Variants in ISM1 observed in about 807,000 individuals in gnomAD.
ISM1 encodes the protein isthmin 1, also known as isthmin-1.
Under a neutral mutation model 46.3 loss-of-function variants are expected in ISM1, and 25 were observed. The observed-to-expected ratio is 0.54, with a 90% CI of 0.39 to 0.75. ISM1 has a LOEUF of 0.75. Ranked by LOEUF, ISM1 falls within the 30% of genes least tolerant of loss-of-function variation. The pLI is 0.00. For missense variants in ISM1, 536 were observed against 625.4 expected (o/e 0.86, Z 1.52); for synonymous variants, 255 against 256.7 (o/e 0.99, Z 0.06).
At position 13,299,418 on chromosome 20, in the gene ISM1, G is replaced by A. The variant is rs1211055263; in HGVS notation, c.1354G>A (p.Glu452Lys). The A allele has an allele frequency of 2.5e-6, 4 of 1,610,366 alleles. No individual in the cohort carries two copies. Among genetic ancestry groups the A allele is most frequent in the African/African-American group, 1.3e-5 (1 of 75,066 alleles). ...GAAGTGCACAGAGAGCCCCTCGGAC[G>A]AGGACTACATCAAGCAGTTCCAAGA... ...GQKCTESPSD[E>K]DYIKQFQEAR... Residue 452 changes from glutamate to lysine, a missense_variant, in exon 6 of 6, where the codon GAG becomes AAG. Around this residue, in one of 2 missense-constraint regions of ISM1, gnomAD observed 169 missense variants for 249.3 expected, o/e 0.68. Transcript: ENST00000262487. The surrounding 1 kb of genome is among the most constrained non-coding windows in gnomAD (Gnocchi z 5.8).
chr20:13,307,037 A>C, the ISM1 span, among the ~76,000 whole-genome samples: 1 of 152,166 alleles, frequency 6.6e-6, no homozygotes, highest in East Asian at 1.9e-4. Flanking sequence ...GGAGAGAGAA[A>C]GAACAAAAGC....
chr20:13,223,715 A>G (rs1319652031), intron 1 of ISM1, among the ~76,000 whole-genome samples: 2 of 152,198 alleles, frequency 1.3e-5, no homozygotes, highest in Non-Finnish European at 2.9e-5. Context: ...GGGAATTTCT[A>G]TGCGGAAGTT....
chr20:13,252,522 A>C (rs1204651628), intron 1 of ISM1, among the ~76,000 whole-genome samples: 2 of 152,120 alleles, frequency 1.3e-5, no homozygotes, highest in Admixed American at 6.6e-5. Flanking sequence ...AGGCCAAGGC[A>C]GGCGGATCAT....
At chr20:13,230,416 C>CA (rs1284815669) in intron 1 of ISM1, among the ~76,000 whole-genome samples, 3 of 152,114 alleles carry the variant, frequency 2.0e-5, no homozygotes, top group African/African-American at 7.2e-5. Flanking sequence ...TCCATTATCT[C>CA]AGTTTCTTTA....
At chr20:13,236,442 T>C (rs181183681) in intron 1 of ISM1, among the ~76,000 whole-genome samples, 65 of 152,158 alleles carry the variant, frequency 4.3e-4, no homozygotes, top group African/African-American at 1.4e-3. Context: ...TGAGATTTGA[T>C]TGGGGACACA....
rs545290042 is a variant in ISM1, at chr20:13,289,582, C to T, written c.787+899C>T. On this transcript the variant is annotated intron_variant, in intron 4 of 5. Coordinates refer to ENST00000262487, the MANE Select transcript of ISM1 (RefSeq NM_080826.2). ...GAGACCTGTTTTTGTGTGTCCCATA[C>T]ATTTTTAAACTGTTGTGAAGAGAAG... Among the ~76,000 whole-genome samples the T allele has an allele frequency of 5.3e-5, 8 of 151,314 alleles. No homozygotes were observed. In the South Asian group the frequency reaches 1.7e-3, roughly 32 times the overall value.
chr20:13,313,750 G>T, the ISM1 span, among the ~76,000 whole-genome samples: 1 of 152,094 alleles, frequency 6.6e-6, no homozygotes, highest in African/African-American at 2.4e-5. Context: ...CATAGTAAAA[G>T]GCAAAAACTA....
intron 3 of ISM1, among the ~76,000 whole-genome samples, chr20:13,280,222 T>A (rs751934598): frequency 1.3e-5 from 2 of 151,612 alleles, no homozygotes; most frequent in Non-Finnish European, 2.9e-5. Context: ...AATTCTCCAA[T>A]TAACTTCCTT....
At chr20:13,237,022 G>C (rs1368631883) in intron 1 of ISM1, among the ~76,000 whole-genome samples, 1 of 152,194 alleles carries the variant, frequency 6.6e-6, no homozygotes, top group African/African-American at 2.4e-5. Flanking sequence ...AGCTCCACTA[G>C]GCAGTGCCCA....
chr20:13,284,661 C>T (rs1346832245), intron 3 of ISM1, among the ~76,000 whole-genome samples: 1 of 152,114 alleles, frequency 6.6e-6, no homozygotes, highest in Admixed American at 6.6e-5. Flanking sequence ...GGGTCTTTGC[C>T]GGGACATTGA....
intron 5 of ISM1, among the ~76,000 whole-genome samples, chr20:13,296,610 G>A (rs1014673658): frequency 3.3e-5 from 5 of 152,190 alleles, no homozygotes; most frequent in African/African-American, 1.2e-4. Flanking sequence ...CTACCCTGAA[G>A]CCAGTCTCTT....
At chr20:13,287,567 T>C (rs1383849002) in intron 3 of ISM1, among the ~76,000 whole-genome samples, 4 of 152,228 alleles carry the variant, frequency 2.6e-5, no homozygotes, top group African/African-American at 9.6e-5. Context: ...CATCAATTTC[T>C]AACATGCCAT....
chr20:13,299,383 A>G lies in ISM1; in HGVS notation c.1319A>G (p.Asn440Ser). The change falls in exon 6 of 6, where the codon AAC (asparagine) becomes AGC (serine). Residue 440 changes from asparagine to serine, a missense_variant. Around this residue, in one of 2 missense-constraint regions of ISM1, gnomAD observed 169 missense variants for 249.3 expected, o/e 0.68. Coordinates refer to ENST00000262487, the MANE Select transcript of ISM1 (RefSeq NM_080826.2). This position sits in a 1 kb window ranked among gnomAD's most constrained non-coding sequence, Gnocchi z 5.8. Reference protein sequence around the residue: ...WSRYNEARPPNNGQKCTESPS... With the variant: ...WSRYNEARPPSNGQKCTESPS... ...AGGTATAACGAGGCCCGGCCTCCCA[A>G]CAACGGACAGAAGTGCACAGAGAGC... 6.2e-7 allele frequency: 1 copy of G among 1,613,612 alleles called. No individual in the cohort carries two copies. Among genetic ancestry groups the G allele is most frequent in the East Asian group, 2.2e-5 (1 of 44,876 alleles).
intron 1 of ISM1, among the ~76,000 whole-genome samples, chr20:13,224,541 CCTT>C (rs1317080725): frequency 2.6e-5 from 4 of 152,128 alleles, no homozygotes; most frequent in Non-Finnish European, 2.9e-5. Context: ...CTACTAAAAT[CCTT>C]CTTCACAATC....
intron 1 of ISM1, among the ~76,000 whole-genome samples, chr20:13,270,186 G>A (rs1048512023): frequency 6.6e-6 from 1 of 152,172 alleles, no homozygotes. Context: ...ACATAATTTG[G>A]TTCCAGCTCT....
intron 3 of ISM1, among the ~76,000 whole-genome samples, chr20:13,287,403 C>T (rs1210573968): frequency 6.6e-6 from 1 of 152,050 alleles, no homozygotes; most frequent in Non-Finnish European, 1.5e-5. Context: ...TCCAGCTGGC[C>T]CCACTCTTGA....
At chr20:13,256,012 G>A (rs776136604) in intron 1 of ISM1, among the ~76,000 whole-genome samples, 2 of 152,002 alleles carry the variant, frequency 1.3e-5, no homozygotes, top group African/African-American at 2.4e-5. Context: ...CCACCAGGCA[G>A]TGATACCCAA....
the ISM1 span, among the ~76,000 whole-genome samples, chr20:13,310,689 C>T: frequency 7.2e-5 from 11 of 152,070 alleles, no homozygotes; most frequent in Non-Finnish European, 1.3e-4. Flanking sequence ...GGGGTTAATC[C>T]GAAATACATA....
At chr20:13,247,097 G>A (rs1012838692) in intron 1 of ISM1, among the ~76,000 whole-genome samples, 2 of 152,038 alleles carry the variant, frequency 1.3e-5, no homozygotes, top group African/African-American at 4.8e-5. Context: ...CAGGTGTGGT[G>A]GCACATGCTT....
Sources: allele counts gnomAD v4.1 joint callset (sites outside exome capture counted in the v4.1 genomes callset), GRCh38; gene constraint gnomAD v4.1.1; regional missense constraint gnomAD v4.1.1; non-coding constraint Gnocchi (gnomAD v3.1); transcripts MANE v1.5; gene names NCBI Gene and HGNC (gene_info 2026-07-23, HGNC 2026-07-21).